Variants in SOX6 observed in about 807,000 individuals in gnomAD.
SOX6 encodes the protein transcription factor SOX-6.
A neutral mutation model predicts 97.8 loss-of-function variants in SOX6; 11 were observed. The observed-to-expected ratio is 0.11, with a 90% CI of 0.07 to 0.19. The LOEUF (loss-of-function observed/expected upper bound fraction) is 0.19. Among genes scored for constraint, SOX6 ranks in the 10% least tolerant of loss-of-function variants. The probability of loss-of-function intolerance (pLI) is 1.00; values close to 1 mark genes in which losing one functional copy is unlikely to be tolerated. For synonymous variants in SOX6, 360 were observed against 371.4 expected, an observed-to-expected ratio of 0.97 and a Z score of 0.35; for missense variants, 810 against 1,039.5, an observed-to-expected ratio of 0.78 and a Z score of 3.04.
chr11:16,331,652 TA>T (rs34610248), intron 2 of SOX6, among the ~76,000 whole-genome samples: 24,603 of 152,172 alleles, frequency 0.16, 2,438 homozygotes, highest in Admixed American at 0.28. Context: ...ACAAAGAGAC[TA>T]AAAATGATTC....
intron 9 of SOX6, among the ~76,000 whole-genome samples, chr11:16,070,885 C>T (rs1410223863): frequency 6.6e-6 from 1 of 152,188 alleles, no homozygotes; most frequent in Non-Finnish European, 1.5e-5. Flanking sequence ...AGAGAGCTAC[C>T]CAGCCATTTT....
At chr11:16,283,293 T>C (rs1167251191) in intron 3 of SOX6, among the ~76,000 whole-genome samples, 2 of 149,728 alleles carry the variant, frequency 1.3e-5, no homozygotes, top group African/African-American at 4.9e-5. Flanking sequence ...AACAAGAAAA[T>C]TTGACAACCT....
chr11:16,339,366 T>C (rs1856559128), intron 2 of SOX6, among the ~76,000 whole-genome samples: 1 of 152,028 alleles, frequency 6.6e-6, no homozygotes, highest in African/African-American at 2.4e-5. Flanking sequence ...ATCATAACTC[T>C]CCAGCGACGA....
chr11:16,381,598 A>G (rs1857822275), intron 1 of SOX6, among the ~76,000 whole-genome samples: 1 of 151,936 alleles, frequency 6.6e-6, no homozygotes, highest in South Asian at 2.1e-4. Flanking sequence ...TTGTTTTTAT[A>G]ATTTTCCAGA....
rs534556008 is a variant in SOX6, at chr11:16,542,440, G to A, written n.610-66052C>T. 1.2e-4 allele frequency among the ~76,000 whole-genome samples: 18 copies of A among 152,274 alleles called. No homozygotes were observed. The South Asian group carries it at 3.5e-3, about 30-fold the overall frequency. On this transcript the variant is annotated intron_variant and non_coding_transcript_variant, in intron 4 of 5. Coordinates refer to the SOX6 transcript ENST00000524520. ...TAACAAACCTGCACGTTATGCAGATGTACCCTAGAACTTAAAGTATAATAA... is the reference window on the plus strand; with the variant it reads ...TAACAAACCTGCACGTTATGCAGATATACCCTAGAACTTAAAGTATAATAA...
intron 11 of SOX6, among the ~76,000 whole-genome samples, chr11:16,047,146 AT>A (rs910599270): frequency 6.6e-6 from 1 of 152,092 alleles, no homozygotes; most frequent in African/African-American, 2.4e-5. Context: ...CAACACAGTC[AT>A]TTCTGGCCCG....
chr11:15,976,597 ATT>A (rs61025886), intron 15 of SOX6, among the ~76,000 whole-genome samples: 10,015 of 152,116 alleles, frequency 0.066, 1,094 homozygotes, highest in African/African-American at 0.23. Flanking sequence ...CACAGAAGCC[ATT>A]TGGAATTGGC....
intron 6 of SOX6, among the ~76,000 whole-genome samples, chr11:16,161,727 C>T (rs1850756096): frequency 6.6e-6 from 1 of 152,102 alleles, no homozygotes; most frequent in South Asian, 2.1e-4. Flanking sequence ...TTCTTCTGTC[C>T]TTTGACATAA....
At chr11:16,712,902 A>G (rs565306472) in intron 3 of SOX6, among the ~76,000 whole-genome samples, 1 of 152,372 alleles carries the variant, frequency 6.6e-6, no homozygotes, top group East Asian at 1.9e-4. Context: ...AGCTCTCAAT[A>G]AATACTGTGA....
intron 6 of SOX6, among the ~76,000 whole-genome samples, chr11:16,165,659 A>AACCC (rs1850868452): frequency 6.6e-6 from 1 of 152,178 alleles, no homozygotes; most frequent in Non-Finnish European, 1.5e-5. Flanking sequence ...GCACTTTGGG[A>AACCC]GGCCAAGGCG....
intron 4 of SOX6, among the ~76,000 whole-genome samples, chr11:16,575,367 C>G (rs1847972845): frequency 6.6e-6 from 1 of 152,142 alleles, no homozygotes; most frequent in South Asian, 2.1e-4. Context: ...GGCATATTGT[C>G]TGACTCAACA....
intron 4 of SOX6, among the ~76,000 whole-genome samples, chr11:16,532,797 C>G (rs368027257): frequency 6.6e-6 from 1 of 151,908 alleles, no homozygotes; most frequent in East Asian, 1.9e-4. Flanking sequence ...TACTGTCAAG[C>G]ACCAAACACA....
chr11:16,548,241 G>T (rs1847643081), intron 4 of SOX6, among the ~76,000 whole-genome samples: 1 of 151,708 alleles, frequency 6.6e-6, no homozygotes, highest in Non-Finnish European at 1.5e-5. Flanking sequence ...GAATTCATCA[G>T]CAGCAGCTCT....
chr11:16,216,073 T>C (rs1209405923), intron 4 of SOX6, among the ~76,000 whole-genome samples: 3 of 152,192 alleles, frequency 2.0e-5, no homozygotes, highest in African/African-American at 7.2e-5. Context: ...GTTCTGAGCC[T>C]CTGTTCACTC....
At chr11:16,180,950 A>G (rs1851331088) in intron 6 of SOX6, among the ~76,000 whole-genome samples, 3 of 151,790 alleles carry the variant, frequency 2.0e-5, no homozygotes, top group Admixed American at 2.0e-4. Flanking sequence ...CTAATGAAAA[A>G]TCCTGTTTTT....
chr11:16,464,731 G>A (rs940649355), intron 1 of SOX6, among the ~76,000 whole-genome samples: 1 of 152,096 alleles, frequency 6.6e-6, no homozygotes, highest in Non-Finnish European at 1.5e-5. Context: ...GTAATACATA[G>A]ATGATTATTT....
At chr11:16,643,131 C>A (rs1389515511) in intron 3 of SOX6, among the ~76,000 whole-genome samples, 2 of 152,216 alleles carry the variant, frequency 1.3e-5, no homozygotes, top group African/African-American at 4.8e-5. Flanking sequence ...TTCCTTCTAA[C>A]AGTCAGGATC....
At chr11:16,445,455 G>T (rs1030648282) in intron 1 of SOX6, among the ~76,000 whole-genome samples, 2 of 152,090 alleles carry the variant, frequency 1.3e-5, no homozygotes, top group Non-Finnish European at 2.9e-5. Flanking sequence ...ATGTATCTGT[G>T]GGCATTTTTA....
chr11:16,314,583 A>G (rs1408309231), intron 3 of SOX6: 1 of 152,184 alleles, frequency 6.6e-6, no homozygotes, highest in Non-Finnish European at 1.5e-5. Context: ...AGGGATTCTT[A>G]ACTGGTGGTC....
Sources: allele counts gnomAD v4.1 joint callset (sites outside exome capture counted in the v4.1 genomes callset), GRCh38; gene constraint gnomAD v4.1.1; transcripts MANE v1.5; gene names NCBI Gene and HGNC (gene_info 2026-07-23, HGNC 2026-07-21).